The following NLRP12 variants were observed in gnomAD, a reference collection of about 807,000 sequenced individuals.
NLRP12 encodes the protein NLR family pyrin domain containing 12, also known as NACHT, LRR and PYD domains-containing protein 12.
NLRP12 carries 108 observed loss-of-function variants against 91.2 expected under a neutral mutation model. The observed-to-expected ratio is 1.18, with a 90% CI of 1.01 to 1.39. The LOEUF is 1.39. Ranked by LOEUF, NLRP12 falls within the 40% of genes most tolerant of loss-of-function variation. The probability of loss-of-function intolerance (pLI) is 0.00; values close to 1 mark genes in which losing one functional copy is unlikely to be tolerated. For synonymous variants in NLRP12, 613 were observed against 566.7 expected (o/e 1.08, Z -1.16); for missense variants, 1,530 against 1,352.7 (o/e 1.13, Z -2.06).
Position 53,824,153 on chromosome 19 carries a change from C to G in NLRP12, c.22G>C (p.Asp8His). MLRTAGR[D>H]GLCRLSTYLE... ...TAGGTGGACAGGCGACAGAGGCCGTCCCTGCCTGCGGTTCGTAGCATGGGG... is the reference window on the plus strand; with the variant it reads ...TAGGTGGACAGGCGACAGAGGCCGTGCCTGCCTGCGGTTCGTAGCATGGGG... Residue 8 changes from aspartate to histidine, a missense_variant, in exon 1 of 10, where the codon GAC becomes CAC. Coordinates refer to ENST00000324134, the MANE Select transcript of NLRP12 (RefSeq NM_144687.4). 6.2e-7 allele frequency: 1 copy of G among 1,614,108 alleles called. No homozygotes were observed. The highest frequency in any genetic ancestry group is 1.3e-5 in the African/African-American group (1 of 75,036).
At chr19:53,822,396 C>A (rs1409524991) in intron 1 of NLRP12, among the ~76,000 whole-genome samples, 1 of 151,698 alleles carries the variant, frequency 6.6e-6, no homozygotes, top group South Asian at 2.1e-4. Flanking sequence ...GGTGGAAGCT[C>A]GCTTGAGCCC....
At chr19:53,807,692 T>G in intron 3 of NLRP12, 27 bp from the exon 4 acceptor site, 2 of 1,613,700 alleles carry the variant, frequency 1.2e-6, no homozygotes, top group Middle Eastern at 1.6e-4. Flanking sequence ...CAGGCCACTC[T>G]CTGGTGTTAC....
Position 53,809,728 on chromosome 19 carries a change from T to C in NLRP12, c.1931A>G (p.Lys644Arg), listed in dbSNP as rs199602036. 24 of 1,614,134 alleles carry C rather than the reference T, an allele frequency of 1.5e-5. No individual in the cohort carries two copies. The highest frequency in any genetic ancestry group is 1.1e-4 in the East Asian group (5 of 44,858). The change falls in exon 3 of 10, where the codon AAG becomes AGG. Residue 644 changes from lysine (K) to arginine (R), a missense_variant. By Grantham distance (26) the Lys-to-Arg change is conservative. Transcript: ENST00000324134. Reference protein sequence around the residue: ...QVIVVSNIASKMEHMVSSFCL... With the variant: ...QVIVVSNIASRMEHMVSSFCL... ...GAACGAGGAGACCATGTGCTCCATC[T>C]TGGAGGCAATGTTGCTGACCACGAT... is the stretch of plus-strand genomic sequence containing the variant.
chr19:53,796,255 ATTT>A (rs1367927874), intron 8 of NLRP12: 4 of 524,184 alleles, frequency 7.6e-6, no homozygotes, highest in Non-Finnish European at 1.4e-5. Context: ...GTATCCTTTT[ATTT>A]TTGTTTTGTT....
chr19:53,807,037 T>C (rs1389650114), intron 4 of NLRP12, among the ~76,000 whole-genome samples: 3 of 151,486 alleles, frequency 2.0e-5, no homozygotes, highest in Non-Finnish European at 4.4e-5. Context: ...CTTGAGAAAA[T>C]AGATTTATGT....
intron 9 of NLRP12, among the ~76,000 whole-genome samples, chr19:53,795,380 A>T (rs1600667387): frequency 6.8e-6 from 1 of 147,810 alleles, no homozygotes; most frequent in Non-Finnish European, 1.5e-5. Context: ...AGACAAGGAA[A>T]TTTTTTTTTT....
intron 2 of NLRP12, among the ~76,000 whole-genome samples, chr19:53,813,299 C>CTTTTTTTTTTTTTTTTT (rs1160039078): frequency 1.3e-4 from 11 of 86,032 alleles, no homozygotes; most frequent in Non-Finnish European, 1.8e-4. Flanking sequence ...TTTTTCTTTT[C>CTTTTTTTTTTTTTTTTT]TTTTTTTTTT....
At chr19:53,795,404 T>C (rs1188046138) in intron 9 of NLRP12, among the ~76,000 whole-genome samples, 4 of 151,210 alleles carry the variant, frequency 2.6e-5, no homozygotes, top group Non-Finnish European at 4.4e-5. Context: ...AGATGGAGTC[T>C]CACTCTGTCA....
At chr19:53,794,956 C>T (rs915633271) in intron 9 of NLRP12, among the ~76,000 whole-genome samples, 8 of 151,826 alleles carry the variant, frequency 5.3e-5, no homozygotes, top group Non-Finnish European at 8.8e-5. Context: ...CTGCCTTGGC[C>T]TTTTTTTTCT....
At chr19:53,802,163 G>T (rs1452200276) in intron 6 of NLRP12, among the ~76,000 whole-genome samples, 1 of 151,678 alleles carries the variant, frequency 6.6e-6, no homozygotes, top group Non-Finnish European at 1.5e-5. Flanking sequence ...GGAGGCGGAG[G>T]TTGCCGTGAG....
chr19:53,821,082 CT>C (rs1405743777), intron 1 of NLRP12, among the ~76,000 whole-genome samples: 1 of 133,350 alleles, frequency 7.5e-6, no homozygotes, highest in African/African-American at 3.0e-5. Flanking sequence ...GTCACCCAGG[CT>C]GGAGTGCAGT....
intron 6 of NLRP12, 82 bp downstream of exon 6, chr19:53,803,870 G>T: frequency 7.1e-7 from 1 of 1,417,294 alleles, no homozygotes; most frequent in South Asian, 1.2e-5. Context: ...CACTGCGCCC[G>T]ACCTGTGGAT....
At position 53,810,002 on chromosome 19, in the gene NLRP12, T is replaced by G. The variant is rs2092036765; in HGVS notation, c.1657A>C (p.Arg553=). 1 of 1,614,108 alleles carries G rather than the reference T, an allele frequency of 6.2e-7. No homozygotes were observed. Among genetic ancestry groups the G allele is most frequent in the African/African-American group, 1.3e-5 (1 of 75,036 alleles). The part of the protein sequence containing the change: ...RLLTEYAFSE[R]SFLALTSRFL... ...CGGCTGGTGAGTGCCAGGAAGCTCC[T>G]TTCAGAAAACGCGTACTCGGTCAAC... Residue 553 remains arginine (R), a synonymous_variant, in exon 3 of 10, where the codon AGG becomes CGG. Coordinates refer to ENST00000324134, the MANE Select transcript of NLRP12 (RefSeq NM_144687.4).
At chr19:53,796,232 A>T (rs2091757638) in intron 8 of NLRP12, 1 of 605,822 alleles carries the variant, frequency 1.7e-6, no homozygotes, top group Admixed American at 2.4e-5. Flanking sequence ...ACCAATTAGC[A>T]TGGCTAATTT....
chr19:53,818,686 TA>T (rs2092200547), intron 1 of NLRP12, among the ~76,000 whole-genome samples: 1 of 151,802 alleles, frequency 6.6e-6, no homozygotes, highest in Non-Finnish European at 1.5e-5. Flanking sequence ...TAAATAAAAA[TA>T]AAAAAGGTAA....
rs1386827488 is a variant in NLRP12, at chr19:53,810,013, G to A, written c.1646C>T (p.Ala549Val). 4 of 1,614,054 alleles carry A rather than the reference G, an allele frequency of 2.5e-6. No individual in the cohort carries two copies. The South Asian group carries it at 4.4e-5, about 18-fold the overall frequency. ...QDVTRLLTEY[A>V]FSERSFLALT... ...TGCCAGGAAGCTCCTTTCAGAAAAC[G>A]CGTACTCGGTCAACAGCCTGGTCAC... Residue 549 changes from alanine to valine, a missense_variant, in exon 3 of 10, where the codon GCG becomes GTG. Ala to Val is a moderately conservative substitution (Grantham distance 64). Coordinates refer to ENST00000324134, the MANE Select transcript of NLRP12 (RefSeq NM_144687.4).
intron 1 of NLRP12, among the ~76,000 whole-genome samples, chr19:53,820,692 T>TTA: frequency 1.5e-4 from 2 of 13,500 alleles, no homozygotes; most frequent in East Asian, 2.0e-3. Flanking sequence ...AAATAAATTA[T>TTA]TTTTTTTTTT....
At chr19:53,815,023 C>T in intron 1 of NLRP12, 35 bp from the exon 2 acceptor site, 2 of 1,510,712 alleles carry the variant, frequency 1.3e-6, no homozygotes, top group Non-Finnish European at 1.8e-6. Context: ...AGCTAGCACG[C>T]ATCTGGCTAG....
intron 1 of NLRP12, among the ~76,000 whole-genome samples, chr19:53,823,426 A>ATTTT (rs2092293027): frequency 9.4e-6 from 1 of 105,944 alleles, no homozygotes; most frequent in Non-Finnish European, 1.9e-5. Context: ...TTTTAAATAT[A>ATTTT]TATATTTAAA....
Sources: gnomAD v4.1 joint callset for allele counts (sites outside exome capture counted in the v4.1 genomes callset) on GRCh38, gnomAD v4.1.1 for gene constraint, MANE v1.5 for transcripts, NCBI Gene and HGNC (gene_info 2026-07-23, HGNC 2026-07-21) for gene names.